Variants in PTPN2 observed in about 807,000 individuals in gnomAD.
PTPN2 encodes the protein tyrosine-protein phosphatase non-receptor type 2.
Under a neutral mutation model 57.3 loss-of-function variants are expected in PTPN2, and 19 were observed. The observed-to-expected ratio is 0.33, with a 90% CI of 0.23 to 0.49. The LOEUF (loss-of-function observed/expected upper bound fraction) is 0.49. Among genes scored for constraint, PTPN2 ranks in the 20% least tolerant of loss-of-function variants. The pLI is 0.99. For missense variants in PTPN2, 358 were observed against 501.1 expected (o/e 0.71, Z 2.73); for synonymous variants, 153 against 164.9 (o/e 0.93, Z 0.55).
chr18:12,843,346 A>G (rs563435012), intron 2 of PTPN2, among the ~76,000 whole-genome samples: 59 of 152,338 alleles, frequency 3.9e-4, no homozygotes, highest in African/African-American at 1.4e-3. Flanking sequence ...GTATTAAAGT[A>G]CAAAATTCCT....
chr18:12,866,795 G>A (rs2044010010), intron 1 of PTPN2, among the ~76,000 whole-genome samples: 1 of 152,106 alleles, frequency 6.6e-6, no homozygotes, highest in Non-Finnish European at 1.5e-5. Context: ...ACGAGGTCAG[G>A]AGATCGAGAC....
intron 1 of PTPN2, among the ~76,000 whole-genome samples, chr18:12,867,567 A>C (rs1208203135): frequency 6.6e-6 from 1 of 152,166 alleles, no homozygotes; most frequent in East Asian, 1.9e-4. Flanking sequence ...ATATGTGCCA[A>C]GTCTTCATCG....
At chr18:12,871,973 A>G (rs12964314) in intron 1 of PTPN2, among the ~76,000 whole-genome samples, 13,058 of 151,906 alleles carry the variant, frequency 0.086, 744 homozygotes, top group East Asian at 0.16. Flanking sequence ...GCTTGAACTC[A>G]GCATGCAGAG....
At chr18:12,872,431 A>C (rs562425975) in intron 1 of PTPN2, among the ~76,000 whole-genome samples, 1 of 152,384 alleles carries the variant, frequency 6.6e-6, no homozygotes, top group Non-Finnish European at 1.5e-5. Context: ...CTGACAGAGC[A>C]AACGGCATAT....
At chr18:12,790,570 T>C (rs1408890268), downstream of PTPN2, among the ~76,000 whole-genome samples, 3 of 152,162 alleles carry the variant, frequency 2.0e-5, no homozygotes, top group African/African-American at 4.8e-5. Context: ...TAAAATTGTG[T>C]TGAGGATTAA....
intron 1 of PTPN2, among the ~76,000 whole-genome samples, chr18:12,869,426 G>A (rs894022022): frequency 5.3e-5 from 8 of 152,196 alleles, no homozygotes. Context: ...CTTCCAAAGC[G>A]CTGGTATCAC....
chr18:12,826,120 T>C (rs2042446956), intron 4 of PTPN2, among the ~76,000 whole-genome samples, 176 bp from the exon 5 acceptor site: 1 of 152,220 alleles, frequency 6.6e-6, no homozygotes, highest in African/African-American at 2.4e-5. Context: ...TGAAATTTTA[T>C]AGCCGGGCGC....
intron 5 of PTPN2, among the ~76,000 whole-genome samples, chr18:12,821,056 T>C (rs1341734056): frequency 6.6e-6 from 1 of 152,198 alleles, no homozygotes; most frequent in East Asian, 1.9e-4. Context: ...AATAAGATTA[T>C]ACATTTTCCA....
intron 1 of PTPN2, among the ~76,000 whole-genome samples, chr18:12,873,469 T>G (rs28733724): frequency 1.6e-4 from 24 of 152,318 alleles, no homozygotes; most frequent in African/African-American, 2.6e-4. Context: ...CGTATTTTTT[T>G]GGGGGAGACG....
At chr18:12,798,825 A>C (rs2041293473) in intron 8 of PTPN2, among the ~76,000 whole-genome samples, 1 of 152,184 alleles carries the variant, frequency 6.6e-6, no homozygotes, top group Admixed American at 6.5e-5. Context: ...TCTTTGAGGA[A>C]TCACCACACT....
rs773364573 is a variant in PTPN2, at chr18:12,809,668, G to A, written c.858+4535C>T. 9.9e-4 allele frequency among the ~76,000 whole-genome samples: 151 copies of A among 152,278 alleles called. 2 individuals carry two copies. The Middle Eastern group carries it at 0.017, about 17-fold the overall frequency. ...ATAAGGAATACTCTACTTATTGCCC[G>A]AGGAGTCTAATGATTTTGGACAGAG... is the stretch of plus-strand genomic sequence containing the variant. On this transcript the variant is annotated intron_variant, in intron 7 of 8. Coordinates refer to ENST00000309660, the MANE Select transcript of PTPN2 (RefSeq NM_002828.4).
At chr18:12,854,608 C>G (rs1354584259) in intron 2 of PTPN2, among the ~76,000 whole-genome samples, 1 of 151,800 alleles carries the variant, frequency 6.6e-6, no homozygotes, top group Non-Finnish European at 1.5e-5. Context: ...TACAGGACAC[C>G]CAGACAGAGA....
At chr18:12,868,047 A>G (rs762815865) in intron 1 of PTPN2, among the ~76,000 whole-genome samples, 20 of 152,174 alleles carry the variant, frequency 1.3e-4, no homozygotes, top group Non-Finnish European at 2.4e-4. Flanking sequence ...ACTGTTCACT[A>G]TCAACTCCTT....
chr18:12,834,314 G>C (rs560541433), intron 3 of PTPN2, among the ~76,000 whole-genome samples: 1 of 125,032 alleles, frequency 8.0e-6, no homozygotes. Flanking sequence ...GCAACAGAGT[G>C]AGACTCCATC....
intron 1 of PTPN2, among the ~76,000 whole-genome samples, chr18:12,881,947 G>A (rs955291259): frequency 1.3e-5 from 2 of 152,102 alleles, no homozygotes; most frequent in South Asian, 2.1e-4. Flanking sequence ...TGTTATGAAC[G>A]AATGAATGAA....
intron 2 of PTPN2, among the ~76,000 whole-genome samples, chr18:12,842,979 G>A (rs2043094211): frequency 6.6e-6 from 1 of 152,158 alleles, no homozygotes; most frequent in Admixed American, 6.5e-5. Flanking sequence ...TTTCTTAAGC[G>A]TAAACTAATT....
At chr18:12,831,862 C>T (rs961249383) in intron 3 of PTPN2, among the ~76,000 whole-genome samples, 1 of 152,192 alleles carries the variant, frequency 6.6e-6, no homozygotes, top group South Asian at 2.1e-4. Flanking sequence ...ATTGCTTTCA[C>T]ATTTTAATGA....
chr18:12,818,154 A>T (rs966446861), intron 5 of PTPN2, among the ~76,000 whole-genome samples: 44 of 152,054 alleles, frequency 2.9e-4, no homozygotes, highest in East Asian at 5.8e-4. Context: ...AAAAAAAAAA[A>T]TTTTTTTTCT....
intron 7 of PTPN2, among the ~76,000 whole-genome samples, chr18:12,812,087 T>C (rs1014200357): frequency 2.0e-5 from 3 of 152,230 alleles, no homozygotes; most frequent in African/African-American, 7.2e-5. Flanking sequence ...CCAAACTAGA[T>C]ATTTACTCTG....
Sources: gnomAD v4.1 joint callset for allele counts (sites outside exome capture counted in the v4.1 genomes callset) on GRCh38, gnomAD v4.1.1 for gene constraint, MANE v1.5 for transcripts, NCBI Gene and HGNC (gene_info 2026-07-23, HGNC 2026-07-21) for gene names.